The following CDH11 variants were observed in gnomAD, a reference collection of about 807,000 sequenced individuals.
CDH11 encodes the protein cadherin 11.
Under a neutral mutation model 67.8 loss-of-function variants are expected in CDH11, and 11 were observed. The ratio of observed to expected loss-of-function variants is 0.16; its 90% CI spans 0.10 to 0.27. The LOEUF (loss-of-function observed/expected upper bound fraction) is 0.27. Among genes scored for constraint, CDH11 ranks in the 10% least tolerant of loss-of-function variants. The pLI, the probability that CDH11 is intolerant of heterozygous loss-of-function variation, is 1.00. For synonymous variants in CDH11, 419 were observed against 400.0 expected (o/e 1.05, Z -0.57); for missense variants, 847 against 1,031.2 (o/e 0.82, Z 2.45).
At chr16:65,120,433 G>A (rs2075305936) in intron 1 of CDH11, among the ~76,000 whole-genome samples, 1 of 152,106 alleles carries the variant, frequency 6.6e-6, no homozygotes, top group South Asian at 2.1e-4. Flanking sequence ...TGATTAAAAC[G>A]AAAACTTACT....
Position 65,122,014 on chromosome 16 carries a change from T to C in CDH11, c.-432A>G, listed in dbSNP as rs963047621. The stretch of plus-strand genomic sequence containing the variant: ...GCGGCTGCGAGCGGCCCCCGCGGCA[T>C]CTGCTCCTCGGCCCGCGACGCTCCC... On this transcript the variant is annotated 5_prime_UTR_variant, in exon 1 of 13. It removes an upstream start codon present in the reference 5' UTR. Coordinates refer to ENST00000268603, the MANE Select transcript of CDH11 (RefSeq NM_001797.4). The C allele has an allele frequency of 6.0e-5, 42 of 698,664 alleles. No individual in the cohort carries two copies. In the East Asian group the frequency reaches 1.1e-3, roughly 18 times the overall value. The allele number at this position is 698,664 out of a possible 1,614,324, so 43.3% of individuals were successfully genotyped here. A position where few individuals can be genotyped will look rare whatever the true frequency, so the allele number is the denominator to read the frequency against.
rs756157853 is a variant in CDH11, at chr16:64,971,647, G to T, written c.1574C>A (p.Pro525Gln). The change falls in exon 11 of 13, where the codon CCA (proline) becomes CAA (glutamine). Residue 525 changes from proline to glutamine, a missense_variant. This residue lies in a region of CDH11 where 612 missense variants were observed against 678.7 expected (regional missense o/e 0.90). Transcript: ENST00000268603. Reference protein sequence around the residue: ...ADDKDDTANGPRFIFSLPPEI... With the variant: ...ADDKDDTANGQRFIFSLPPEI... ...AGGGGGTAGGCTGAAGATAAATCTT[G>T]GTCCATTGGCCGTGTCATCCTTGTC... 3.1e-6 allele frequency: 5 copies of T among 1,613,442 alleles called. No individual in the cohort carries two copies. The African/African-American group carries it at 5.3e-5, about 17-fold the overall frequency.
intron 1 of CDH11, chr16:65,094,904 A>G (rs1597187049): frequency 1.3e-5 from 2 of 152,134 alleles, no homozygotes; most frequent in Admixed American, 6.5e-5. Flanking sequence ...AACTGTGAGA[A>G]AAAAAAACAT....
intron 1 of CDH11, among the ~76,000 whole-genome samples, chr16:65,078,623 T>A (rs1268877929): frequency 6.6e-6 from 1 of 152,160 alleles, no homozygotes; most frequent in African/African-American, 2.4e-5. Context: ...ATATAAAGAA[T>A]TCTAGTCTAA....
At chr16:64,981,525 G>A (rs2072349032) in intron 8 of CDH11, 1 of 152,128 alleles carries the variant, frequency 6.6e-6, no homozygotes, top group Non-Finnish European at 1.5e-5. Context: ...GTTAGACAGA[G>A]CTGGCTTTCC....
chr16:65,004,543 C>G, intron 3 of CDH11, 99 bp downstream of exon 3: 2 of 1,258,274 alleles, frequency 1.6e-6, no homozygotes. Flanking sequence ...TTGGTGTTTT[C>G]TCTCTTAGAT....
At chr16:65,104,958 C>T (rs1207790840) in intron 1 of CDH11, among the ~76,000 whole-genome samples, 2 of 152,060 alleles carry the variant, frequency 1.3e-5, no homozygotes, top group Admixed American at 6.6e-5. Context: ...AGTTAATTTA[C>T]GAAATATAAA....
intron 1 of CDH11, among the ~76,000 whole-genome samples, chr16:65,105,562 T>G (rs919628528): frequency 1.3e-5 from 2 of 152,260 alleles, no homozygotes; most frequent in Admixed American, 6.5e-5. Context: ...TAGCACAATT[T>G]CTCACATTTG....
At chr16:65,099,044 T>C (rs1471913882) in intron 1 of CDH11, among the ~76,000 whole-genome samples, 1 of 152,208 alleles carries the variant, frequency 6.6e-6, no homozygotes, top group East Asian at 1.9e-4. Flanking sequence ...CATTCATTCA[T>C]AATTTCAGTC....
intron 2 of CDH11, among the ~76,000 whole-genome samples, chr16:65,042,538 G>A (rs2073884273): frequency 6.6e-6 from 1 of 152,180 alleles, no homozygotes; most frequent in Non-Finnish European, 1.5e-5. Context: ...CTGAGCAGAT[G>A]CGCAAAGAGA....
At position 64,998,554 on chromosome 16, in the gene CDH11, G is replaced by A. The variant is rs751081795; in HGVS notation, c.523+8C>T. ...GGAAGCAGAGCAGGCCTCCCACACC[G>A]TACGCACCCACATTGGACCTCTCAG... On this transcript the variant is annotated splice_region_variant and intron_variant, in intron 4 of 12. Coordinates refer to ENST00000268603, the MANE Select transcript of CDH11 (RefSeq NM_001797.4). The A allele has an allele frequency of 8.7e-6, 14 of 1,613,380 alleles. No individual in the cohort carries two copies. The East Asian group carries it at 1.6e-4, about 18-fold the overall frequency.
intron 2 of CDH11, among the ~76,000 whole-genome samples, chr16:65,042,354 A>T (rs1041952082): frequency 7.9e-5 from 12 of 152,200 alleles, no homozygotes; most frequent in Non-Finnish European, 1.5e-4. Context: ...GGGTGGGTGG[A>T]GGATATGGCT....
At position 65,053,854 on chromosome 16, in the gene CDH11, CA is replaced by C. The variant is rs1169939905; in HGVS notation, c.-224del. ...GCCAATTTCTGTAACACACTCCACC[CA>C]TCTGATTGGTCACTCAACAAATGAC... On this transcript the variant is annotated 5_prime_UTR_variant, in exon 2 of 13. The change abolishes an upstream ATG in the 5' untranslated region. Coordinates refer to ENST00000268603, the MANE Select transcript of CDH11 (RefSeq NM_001797.4). 4.4e-6 allele frequency: 2 copies of C among 456,036 alleles called. No homozygotes were observed. Among genetic ancestry groups the C allele is most frequent in the Admixed American group, 2.3e-5 (1 of 42,564 alleles). The allele number at this position is 456,036 out of a possible 1,614,324, so 28.2% of individuals were successfully genotyped here.
chr16:65,098,035 TCTTC>T (rs2074929344), intron 1 of CDH11, among the ~76,000 whole-genome samples: 1 of 152,122 alleles, frequency 6.6e-6, no homozygotes, highest in Admixed American at 6.5e-5. Flanking sequence ...CCTTACTGAT[TCTTC>T]CTTCCTACCA....
chr16:64,944,706 C>T lies in CDH11; in HGVS notation c.*2897G>A. ...ACTACTCTTTTATCTTCCCTGTCAC[C>T]CCCAGAAACCCAGGCCTAAAAGAAA... On this transcript the variant is annotated 3_prime_UTR_variant, in exon 13 of 13. Transcript: ENST00000268603. The T allele has an allele frequency of 4.3e-6, 1 of 231,792 alleles. No homozygotes were observed. Among genetic ancestry groups the T allele is most frequent in the Non-Finnish European group, 8.5e-6 (1 of 117,170 alleles). The allele number at this position is 231,792 out of a possible 1,614,324, so 14.4% of individuals were successfully genotyped here.
chr16:65,013,546 C>A (rs766226007), intron 2 of CDH11, among the ~76,000 whole-genome samples: 1 of 152,126 alleles, frequency 6.6e-6, no homozygotes. Flanking sequence ...AAAAACCCAG[C>A]CGGGCGCAGT....
At chr16:64,978,194 C>T (rs2142445853) in intron 8 of CDH11, among the ~76,000 whole-genome samples, 1 of 152,292 alleles carries the variant, frequency 6.6e-6, no homozygotes, top group East Asian at 1.9e-4. Context: ...AAACTGTGAG[C>T]TTGACCTTCC....
chr16:64,974,266 G>A (rs1226287177), intron 8 of CDH11, among the ~76,000 whole-genome samples: 1 of 152,110 alleles, frequency 6.6e-6, no homozygotes, highest in Non-Finnish European at 1.5e-5. Context: ...TGTTAATTCA[G>A]GTAGTACGCT....
chr16:65,071,225 G>A (rs1026134681), intron 1 of CDH11, among the ~76,000 whole-genome samples: 2 of 152,168 alleles, frequency 1.3e-5, no homozygotes, highest in South Asian at 2.1e-4. Context: ...CAGCAAGCCC[G>A]TTAACGATTC....
Sources: gnomAD v4.1 joint callset for allele counts (sites outside exome capture counted in the v4.1 genomes callset) on GRCh38, gnomAD v4.1.1 for gene constraint, gnomAD v4.1.1 regional missense constraint, MANE v1.5 for transcripts, NCBI Gene and HGNC (gene_info 2026-07-23, HGNC 2026-07-21) for gene names.